PCDHGA7: variants seen among roughly 807,000 people sequenced by gnomAD.
PCDHGA7 encodes protocadherin gamma subfamily A, 7.
In PCDHGA7, 44 loss-of-function variants were observed where a neutral mutation model predicts 58.3. The observed-to-expected ratio is 0.75, with a 90% CI of 0.59 to 0.97. The LOEUF (loss-of-function observed/expected upper bound fraction) is 0.97, where lower values mean the gene tolerates loss of function less well. PCDHGA7 is among the 50% of genes least tolerant of loss of function. The pLI is 0.00. For synonymous variants in PCDHGA7, 516 were observed against 504.2 expected (o/e 1.02, Z -0.31); for missense variants, 1,266 against 1,188.7 (o/e 1.06, Z -0.96).
intron 1 of PCDHGA7, among the ~76,000 whole-genome samples, chr5:141,469,492 T>C (rs1233507221): frequency 6.6e-6 from 1 of 152,038 alleles, no homozygotes; most frequent in Non-Finnish European, 1.5e-5. Flanking sequence ...GGAGAATCGC[T>C]TGAACCCGGG....
chr5:141,509,645 G>C (rs138497208), intron 3 of PCDHGA7, among the ~76,000 whole-genome samples: 8 of 152,338 alleles, frequency 5.3e-5, no homozygotes, highest in African/African-American at 1.9e-4. Context: ...GCCAGGGCCA[G>C]AGTGTGGACT....
intron 1 of PCDHGA7, among the ~76,000 whole-genome samples, chr5:141,454,239 A>T (rs1221886368): frequency 6.6e-6 from 1 of 152,200 alleles, no homozygotes; most frequent in Non-Finnish European, 1.5e-5. Context: ...GATGAAAAGG[A>T]TGAAGATGTC....
intron 3 of PCDHGA7, among the ~76,000 whole-genome samples, chr5:141,508,837 A>C (rs1596180024): frequency 6.7e-6 from 1 of 149,276 alleles, no homozygotes; most frequent in Non-Finnish European, 1.5e-5. Context: ...CCCCTCCCCT[A>C]CCCCTTCCAT....
chr5:141,441,547 A>G (rs1393958373), intron 1 of PCDHGA7: 1 of 182,772 alleles, frequency 5.5e-6, no homozygotes, highest in Admixed American at 6.4e-5. Context: ...CAAAGCCTCC[A>G]TAGTGTGCAA....
intron 1 of PCDHGA7, among the ~76,000 whole-genome samples, chr5:141,430,322 C>G (rs1266324669): frequency 6.7e-6 from 1 of 150,364 alleles, no homozygotes; most frequent in Non-Finnish European, 1.5e-5. Flanking sequence ...AGATTAAAAT[C>G]ATTGTTTATA....
At chr5:141,480,497 A>G (rs909585240) in intron 1 of PCDHGA7, among the ~76,000 whole-genome samples, 6 of 152,236 alleles carry the variant, frequency 3.9e-5, no homozygotes, top group Non-Finnish European at 8.8e-5. Flanking sequence ...CCTTAGAAAT[A>G]CACATATGAG....
At chr5:141,445,254 AAT>A (rs1214840265) in intron 1 of PCDHGA7, among the ~76,000 whole-genome samples, 49 of 152,350 alleles carry the variant, frequency 3.2e-4, no homozygotes, top group Non-Finnish European at 5.9e-5. Context: ...ATTGTGTGAG[AAT>A]ATAAGTCGAA....
rs1780607130 is a variant in PCDHGA7, at chr5:141,384,867, C to T, written c.1968C>T (p.Ala656=). 6.2e-7 allele frequency: 1 copy of T among 1,613,660 alleles called. No homozygotes were observed. Among genetic ancestry groups the T allele is most frequent in the South Asian group, 1.1e-5 (1 of 91,088 alleles). ...ACCACGGTCAGCCTCCTCTGTCAGC[C>T]ACCGTCACACTCACCGTGGCTGTGG... The part of the protein sequence containing the change: ...VQDHGQPPLS[A]TVTLTVAVAD... Residue 656 remains alanine, a synonymous_variant, in exon 1 of 4, where the codon GCC becomes GCT. Coordinates refer to ENST00000518325, the MANE Select transcript of PCDHGA7 (RefSeq NM_018920.4).
At chr5:141,400,234 G>A (rs749957043) in intron 1 of PCDHGA7, 11 of 1,613,984 alleles carry the variant, frequency 6.8e-6, no homozygotes, top group East Asian at 6.7e-5. Flanking sequence ...CCTCCTGGCC[G>A]TGATTCTGGC....
intron 1 of PCDHGA7, among the ~76,000 whole-genome samples, chr5:141,455,291 A>G (rs1212745731): frequency 6.6e-6 from 1 of 152,072 alleles, no homozygotes; most frequent in Non-Finnish European, 1.5e-5. Flanking sequence ...CACTTTACAT[A>G]GTTTCATCTT....
At chr5:141,389,655 G>A in intron 1 of PCDHGA7, 1 of 1,612,562 alleles carries the variant, frequency 6.2e-7, no homozygotes, top group South Asian at 1.1e-5. Flanking sequence ...CAAGGTAGTG[G>A]CGGTGGACGC....
At chr5:141,394,019 T>C in intron 1 of PCDHGA7, 1 of 1,613,522 alleles carries the variant, frequency 6.2e-7, no homozygotes, top group Non-Finnish European at 8.5e-7. Flanking sequence ...GTAATTATTA[T>C]AGATTAGTGA....
At chr5:141,441,864 G>A in intron 1 of PCDHGA7, 3 of 344,518 alleles carry the variant, frequency 8.7e-6, no homozygotes, top group Admixed American at 4.1e-5. Context: ...TGCACGCCGC[G>A]GAGCCTGGCT....
chr5:141,413,723 C>G, intron 1 of PCDHGA7: 1 of 1,613,552 alleles, frequency 6.2e-7, no homozygotes, highest in Non-Finnish European at 8.5e-7. Context: ...AAGCACTTCT[C>G]CCTAAGAGTT....
At chr5:141,444,644 G>T (rs1300191764) in intron 1 of PCDHGA7, among the ~76,000 whole-genome samples, 1 of 151,892 alleles carries the variant, frequency 6.6e-6, no homozygotes, top group Non-Finnish European at 1.5e-5. Flanking sequence ...ATTGAGGTAG[G>T]GGTTGAAGTT....
chr5:141,470,147 T>A (rs1394329530), intron 1 of PCDHGA7, among the ~76,000 whole-genome samples: 1 of 152,172 alleles, frequency 6.6e-6, no homozygotes. Context: ...AGATCATAGA[T>A]CATCTTATCA....
chr5:141,441,789 A>G (rs889545483), intron 1 of PCDHGA7: 4 of 391,886 alleles, frequency 1.0e-5, no homozygotes, highest in Middle Eastern at 6.4e-4. Context: ...CCTGAATGAC[A>G]ACGCACCGCG....
chr5:141,384,553 G>A lies in PCDHGA7; in HGVS notation c.1654G>A (p.Val552Met), dbSNP rs756336021. The A allele has an allele frequency of 1.9e-6, 3 of 1,614,152 alleles. No individual in the cohort carries two copies. Among genetic ancestry groups the A allele is most frequent in the Admixed American group, 1.7e-5 (1 of 60,016 alleles). ...CAGCAACATGTCACTGAGCCTGTTC[G>A]TGCTGGACCAGAATGACAACCCGCC... ...LSSNMSLSLFVLDQNDNPPEI... is the reference protein window; with the variant it reads ...LSSNMSLSLFMLDQNDNPPEI... The change falls in exon 1 of 4, where the codon GTG (valine) becomes ATG (methionine). Residue 552 changes from valine to methionine, a missense_variant. Physicochemically the swap from Val to Met is conservative, Grantham distance 21. Transcript: ENST00000518325.
intron 1 of PCDHGA7, among the ~76,000 whole-genome samples, chr5:141,386,755 G>A (rs72790029): frequency 0.064 from 9,806 of 152,198 alleles, 370 homozygotes; most frequent in African/African-American, 0.1. Context: ...GCAGAACTAC[G>A]GTTATAAGGT....
Sources: allele counts gnomAD v4.1 joint callset (sites outside exome capture counted in the v4.1 genomes callset), GRCh38; gene constraint gnomAD v4.1.1; transcripts MANE v1.5; gene names NCBI Gene and HGNC (gene_info 2026-07-23, HGNC 2026-07-21).